Variants in SLC4A8 observed in about 807,000 individuals in gnomAD.
The protein encoded by SLC4A8 is electroneutral sodium bicarbonate exchanger 1.
Under a neutral mutation model 125.0 loss-of-function variants are expected in SLC4A8, and 40 were observed. That is an observed-to-expected ratio of 0.32 (90% CI 0.25 to 0.42). SLC4A8 has a LOEUF of 0.42. Among genes scored for constraint, SLC4A8 ranks in the 10% least tolerant of loss-of-function variants. The probability of loss-of-function intolerance (pLI) is 1.00; values close to 1 mark genes in which losing one functional copy is unlikely to be tolerated. For synonymous variants in SLC4A8, 456 were observed against 476.0 expected, an observed-to-expected ratio of 0.96 and a Z score of 0.55; for missense variants, 863 against 1,355.1, an observed-to-expected ratio of 0.64 and a Z score of 5.70.
chr12:51,466,721 G>C (rs1019422533), intron 11 of SLC4A8, among the ~76,000 whole-genome samples: 1 of 152,188 alleles, frequency 6.6e-6, no homozygotes. Context: ...ACTCCATAAA[G>C]TGTTCAGAAA....
rs370334694 is a variant in SLC4A8 at position 51,425,401 on chromosome 12, G to T, written c.48+366G>T. On this transcript the variant is annotated intron_variant, in intron 1 of 24. Transcript: ENST00000453097. ...CAGAACGTGGGCAGAAAGGGTAGCA[G>T]GGACCTTGCTCTGGTGGGGCACGTC... is the stretch of plus-strand genomic sequence containing the variant. The T allele has an allele frequency of 1.2e-5, 13 of 1,086,752 alleles. No homozygotes were observed. In the African/African-American group the frequency reaches 2.2e-4, roughly 18 times the overall value. The allele number at this position is 1,086,752 out of a possible 1,614,324, so 67.3% of individuals were successfully genotyped here.
rs1311198473 is a variant in SLC4A8 at position 51,508,855 on chromosome 12, C to A, written c.*1417C>A. 1.3e-5 allele frequency: 2 copies of A among 152,088 alleles called. No individual in the cohort carries two copies. The highest frequency in any genetic ancestry group is 2.9e-5 in the Non-Finnish European group (2 of 68,022). The allele number at this position is 152,088 out of a possible 1,614,324, so 9.4% of individuals were successfully genotyped here. ...AAATCTTTGTACAGTGGGAAGTTCC[C>A]CGATGTGTTTTTCTTTCTTAGGTGA... On this transcript the variant is annotated 3_prime_UTR_variant, in exon 25 of 25. Transcript: ENST00000453097.
chr12:51,415,411 C>T (rs1296743571), intron 1 of SLC4A8, among the ~76,000 whole-genome samples: 30 of 152,102 alleles, frequency 2.0e-4, no homozygotes, highest in Admixed American at 2.0e-3. Context: ...CTGATTCAAT[C>T]CTGGTATCTG....
At chr12:51,446,029 T>C (rs1260454251) in intron 2 of SLC4A8, among the ~76,000 whole-genome samples, 7 of 152,214 alleles carry the variant, frequency 4.6e-5, no homozygotes, top group Admixed American at 4.6e-4. Flanking sequence ...TGGAACATAA[T>C]GAGTTAACAA....
chr12:51,475,393 G>A (rs946165062), intron 16 of SLC4A8, among the ~76,000 whole-genome samples, 187 bp downstream of exon 16: 1 of 152,156 alleles, frequency 6.6e-6, no homozygotes, highest in Non-Finnish European at 1.5e-5. Flanking sequence ...GGGAATGAAG[G>A]GTTAATACTT....
intron 17 of SLC4A8, among the ~76,000 whole-genome samples, chr12:51,488,262 C>T (rs1951212443): frequency 6.6e-6 from 1 of 152,162 alleles, no homozygotes; most frequent in African/African-American, 2.4e-5. Flanking sequence ...GACAGGAATT[C>T]AGCTCAAATC....
At chr12:51,437,119 A>G (rs1322286185) in intron 1 of SLC4A8, among the ~76,000 whole-genome samples, 2 of 152,234 alleles carry the variant, frequency 1.3e-5, no homozygotes, top group Admixed American at 1.3e-4. Flanking sequence ...TCCTAAGTAG[A>G]TATTAGACTA....
intron 1 of SLC4A8, among the ~76,000 whole-genome samples, chr12:51,400,596 G>GAAC (rs1247475256): frequency 6.7e-6 from 1 of 149,564 alleles, no homozygotes; most frequent in Non-Finnish European, 1.5e-5. Flanking sequence ...GGATACCCTA[G>GAAC]AACACCTCAG....
rs1156731614 is a variant in SLC4A8 at position 51,512,379 on chromosome 12, G to T, written c.*4941G>T. 6.6e-6 allele frequency: 1 copy of T among 152,114 alleles called. No homozygotes were observed. The highest frequency in any genetic ancestry group is 1.5e-5 in the Non-Finnish European group (1 of 68,026). The allele number at this position is 152,114 out of a possible 1,614,324, so 9.4% of individuals were successfully genotyped here. A position where few individuals can be genotyped will look rare whatever the true frequency, so the allele number is the denominator to read the frequency against. ...TGGTTTCCTTTGGCCGGGTCTGTTAGTTACTTTTGAAGGCCATGCCAACCC... is the reference window on the plus strand; with the variant it reads ...TGGTTTCCTTTGGCCGGGTCTGTTATTTACTTTTGAAGGCCATGCCAACCC... On this transcript the variant is annotated 3_prime_UTR_variant, in exon 25 of 25. Transcript: ENST00000453097.
chr12:51,486,752 C>T (rs1308489947), intron 17 of SLC4A8, among the ~76,000 whole-genome samples: 2 of 152,244 alleles, frequency 1.3e-5, no homozygotes, highest in Non-Finnish European at 2.9e-5. Flanking sequence ...ATGCTCCCTT[C>T]AGTTGTCCCT....
intron 1 of SLC4A8, among the ~76,000 whole-genome samples, chr12:51,427,563 A>G (rs968510044): frequency 2.0e-5 from 3 of 152,124 alleles, no homozygotes; most frequent in Non-Finnish European, 4.4e-5. Flanking sequence ...AGAGATAGGG[A>G]GGAAAAGAGA....
At position 51,510,076 on chromosome 12, in the gene SLC4A8, C is replaced by G. The variant is rs12296477; in HGVS notation, c.*2638C>G. The G allele has an allele frequency of 0.4, 61,183 of 152,062 alleles. 12,739 individuals are homozygous for G. The highest frequency in any genetic ancestry group is 0.45 in the Non-Finnish European group (30,633 of 68,042). The allele number at this position is 152,062 out of a possible 1,614,324, so 9.4% of individuals were successfully genotyped here. On this transcript the variant is annotated 3_prime_UTR_variant, in exon 25 of 25. Coordinates refer to ENST00000453097, the MANE Select transcript of SLC4A8 (RefSeq NM_001039960.3). ...TCCCAACAGCGGTTCCAGCAGCCTG[C>G]ACAGCTGGTACGAGGACAGCTGGAG...
At chr12:51,502,832 G>A (rs1472988580) in intron 22 of SLC4A8, among the ~76,000 whole-genome samples, 2 of 142,072 alleles carry the variant, frequency 1.4e-5, no homozygotes, top group African/African-American at 5.3e-5. Context: ...CACCACGCCC[G>A]ACTAATTTTT....
At chr12:51,415,051 G>C (rs1040716306) in intron 1 of SLC4A8, among the ~76,000 whole-genome samples, 1 of 152,040 alleles carries the variant, frequency 6.6e-6, no homozygotes, top group Non-Finnish European at 1.5e-5. Flanking sequence ...TGTTGGACTT[G>C]GTTTGATTTT....
chr12:51,441,958 A>C (rs112483031), intron 2 of SLC4A8, among the ~76,000 whole-genome samples: 7,088 of 152,156 alleles, frequency 0.047, 515 homozygotes, highest in African/African-American at 0.15. Flanking sequence ...AGCAGTTGGG[A>C]GGGAGTGGGA....
chr12:51,461,065 ACT>A, intron 8 of SLC4A8, 137 bp from the exon 9 acceptor site: 1 of 507,276 alleles, frequency 2.0e-6, no homozygotes, highest in African/African-American at 2.0e-5. Flanking sequence ...CTCCTTCATT[ACT>A]GTCTTCTTTT....
intron 1 of SLC4A8, among the ~76,000 whole-genome samples, chr12:51,404,983 G>C (rs1948459265): frequency 6.6e-6 from 1 of 152,152 alleles, no homozygotes; most frequent in Admixed American, 6.5e-5. Flanking sequence ...GCGTGAAAAG[G>C]CTTGAGGTAA....
rs542539020 is a variant in SLC4A8 at position 51,467,915 on chromosome 12, T to C, written c.1350-1699T>C. ...TTATCAAATCTAACAAAATTAACAA[T>C]CATTCTTTACATTGTCTAATGCTCA... On this transcript the variant is annotated intron_variant, in intron 11 of 24. Transcript: ENST00000453097. Among the ~76,000 whole-genome samples the C allele has an allele frequency of 3.9e-5, 6 of 152,354 alleles. No homozygotes were observed. In the Middle Eastern group the frequency reaches 0.01, roughly 259 times the overall value.
At chr12:51,391,630 G>C (rs1948112987) in intron 1 of SLC4A8, 1 of 133,070 alleles carries the variant, frequency 7.5e-6, no homozygotes, top group Non-Finnish European at 1.8e-5. Flanking sequence ...CCGCAGCCGC[G>C]CCGCGGGGTG....
Sources: allele counts gnomAD v4.1 joint callset (sites outside exome capture counted in the v4.1 genomes callset), GRCh38; gene constraint gnomAD v4.1.1; transcripts MANE v1.5; gene names NCBI Gene and HGNC (gene_info 2026-07-23, HGNC 2026-07-21).